Variants in SCP2 observed in about 807,000 individuals in gnomAD.
SCP2 encodes sterol carrier protein 2.
SCP2 carries 48 observed loss-of-function variants against 71.4 expected under a neutral mutation model. The ratio of observed to expected loss-of-function variants is 0.67; its 90% CI spans 0.53 to 0.86. SCP2 has a LOEUF of 0.86. Among genes scored for constraint, SCP2 ranks in the 40% least tolerant of loss-of-function variants. The pLI is 0.00. For missense variants in SCP2, 560 were observed against 655.6 expected (o/e 0.85, Z 1.59); for synonymous variants, 220 against 218.1 (o/e 1.01, Z -0.08).
intron 12 of SCP2, among the ~76,000 whole-genome samples, chr1:53,025,033 G>A (rs72903118): frequency 0.14 from 20,820 of 151,800 alleles, 2,038 homozygotes; most frequent in East Asian, 0.33. Context: ...AAAGAGCCAC[G>A]CTGTGTCTAT....
intron 13 of SCP2, among the ~76,000 whole-genome samples, chr1:53,031,712 C>G (rs757022121): frequency 1.3e-5 from 2 of 152,210 alleles, no homozygotes; most frequent in Non-Finnish European, 2.9e-5. Context: ...TCCTTACCCT[C>G]TCTCACTCCC....
intron 6 of SCP2, among the ~76,000 whole-genome samples, chr1:52,971,918 T>C (rs1234160160): frequency 6.6e-6 from 1 of 152,226 alleles, no homozygotes; most frequent in South Asian, 2.1e-4. Flanking sequence ...AAAGGAGTTC[T>C]GGTTTCTATG....
chr1:53,026,981 C>T (rs890731169), intron 12 of SCP2, among the ~76,000 whole-genome samples: 3 of 150,602 alleles, frequency 2.0e-5, no homozygotes, highest in African/African-American at 7.3e-5. Flanking sequence ...CTCTGTCACC[C>T]AGGATGGGGT....
intron 14 of SCP2, among the ~76,000 whole-genome samples, chr1:53,045,922 G>A (rs1663778688): frequency 1.3e-5 from 2 of 151,550 alleles, no homozygotes; most frequent in Admixed American, 6.6e-5. Context: ...CTTTCCTTAG[G>A]AAGTCATACA....
chr1:53,026,990 G>A (rs1662181415), intron 12 of SCP2, among the ~76,000 whole-genome samples: 1 of 151,278 alleles, frequency 6.6e-6, no homozygotes, highest in Non-Finnish European at 1.5e-5. Flanking sequence ...CCAGGATGGG[G>A]TGCAGTGGTG....
chr1:52,982,296 C>T (rs539360940), intron 10 of SCP2, among the ~76,000 whole-genome samples: 10 of 152,260 alleles, frequency 6.6e-5, no homozygotes, highest in East Asian at 1.9e-4. Flanking sequence ...GTTGGCAGGG[C>T]GCGGTGGCTC....
chr1:53,006,293 T>G (rs1414995667), intron 11 of SCP2, among the ~76,000 whole-genome samples: 3 of 151,898 alleles, frequency 2.0e-5, no homozygotes, highest in Non-Finnish European at 4.4e-5. Flanking sequence ...ACAAAGATAC[T>G]CCTCGAGAAG....
chr1:52,972,978 G>A (rs1657625398), intron 6 of SCP2, among the ~76,000 whole-genome samples: 1 of 152,168 alleles, frequency 6.6e-6, no homozygotes, highest in Non-Finnish European at 1.5e-5. Flanking sequence ...ATAGAACTGA[G>A]TGTTTAATTT....
At chr1:53,034,828 A>C (rs939878220) in intron 13 of SCP2, among the ~76,000 whole-genome samples, 6 of 152,166 alleles carry the variant, frequency 3.9e-5, no homozygotes, top group African/African-American at 1.4e-4. Flanking sequence ...TTATGAGGCC[A>C]GGCACGGTGG....
At chr1:52,976,602 A>T in intron 7 of SCP2, 81 bp from the exon 8 acceptor site, 1 of 789,922 alleles carries the variant, frequency 1.3e-6, no homozygotes, top group Non-Finnish European at 2.3e-6. Context: ...TAATATTTAC[A>T]TATTATTCTG....
chr1:52,993,574 T>A lies in SCP2; in HGVS notation c.1081+5438T>A, dbSNP rs1572156893. On this transcript the variant is annotated intron_variant, in intron 11 of 15. Transcript: ENST00000371514. ...CCTCGCCAGTCCTCATATACTGTTCTCTCATGGCTCCAAGCTCTTCTTGTC... is the reference window on the plus strand; with the variant it reads ...CCTCGCCAGTCCTCATATACTGTTCACTCATGGCTCCAAGCTCTTCTTGTC... The A allele has an allele frequency of 6.2e-6, 10 of 1,611,556 alleles. No homozygotes were observed. The East Asian group carries it at 2.2e-4, about 36-fold the overall frequency.
intron 10 of SCP2, among the ~76,000 whole-genome samples, chr1:52,983,969 A>G (rs957010946): frequency 6.6e-6 from 1 of 152,190 alleles, no homozygotes; most frequent in African/African-American, 2.4e-5. Context: ...TGTTCTGACA[A>G]TAAGTTCTGT....
intron 14 of SCP2, among the ~76,000 whole-genome samples, chr1:53,045,568 T>C (rs1051999370): frequency 3.9e-5 from 6 of 152,194 alleles, no homozygotes; most frequent in African/African-American, 7.2e-5. Flanking sequence ...CACCCAGGGC[T>C]AGGTGATAAA....
chr1:53,035,627 TG>T (rs560317661), intron 13 of SCP2, among the ~76,000 whole-genome samples: 171 of 152,214 alleles, frequency 1.1e-3, no homozygotes, highest in African/African-American at 4.0e-3. Flanking sequence ...CAAGAATATT[TG>T]GAAGAGAAGA....
chr1:52,961,367 A>G, intron 5 of SCP2, 136 bp from the exon 6 acceptor site: 5 of 871,782 alleles, frequency 5.7e-6, no homozygotes, highest in South Asian at 1.6e-5. Context: ...GCATGTCTTA[A>G]CTGATTTGAT....
In SCP2 at chr1:53,037,950, TACACACAC is replaced by T. The variant is rs67763248; in HGVS notation, c.1339-935_1339-928del. On this transcript the variant is annotated intron_variant, in intron 13 of 15. Coordinates refer to ENST00000371514, the MANE Select transcript of SCP2 (RefSeq NM_002979.5). The stretch of plus-strand genomic sequence containing the variant: ...CACACAGATCCAGATCCTGTCTCTA[TACACACAC>T]ACACACACACACACACACACACACA... 8.2e-3 allele frequency among the ~76,000 whole-genome samples: 986 copies of T among 120,392 alleles called. 6 individuals are homozygous for T. Among genetic ancestry groups the T allele is most frequent in the Middle Eastern group, 0.017 (4 of 240 alleles). 79.0% of individuals were successfully genotyped at this position (120,392 alleles called of 152,430 possible).
intron 1 of SCP2, 43 bp downstream of exon 1, chr1:52,927,508 G>A: frequency 6.8e-7 from 1 of 1,464,604 alleles, no homozygotes. Flanking sequence ...AGGCTCGGGG[G>A]CGGTCGGTGC....
Position 52,980,700 on chromosome 1 carries a change from T to C in SCP2, c.973+157T>C, listed in dbSNP as rs111415315. ...GTAAGCTGTTTTGGTAGTGGACGTT[T>C]TAGAACTTGTGGTATTAGGCAGTAC... is the stretch of plus-strand genomic sequence containing the variant. On this transcript the variant is annotated intron_variant, in intron 10 of 15. Transcript: ENST00000371514. Among the ~76,000 whole-genome samples the C allele has an allele frequency of 5.9e-5, 9 of 152,338 alleles. 1 individual carries two copies. Among genetic ancestry groups the C allele is most frequent in the African/African-American group, 2.2e-4 (9 of 41,574 alleles).
intron 6 of SCP2, among the ~76,000 whole-genome samples, chr1:52,967,047 AGGCAT>A (rs1160359769): frequency 6.7e-6 from 1 of 149,792 alleles, no homozygotes; most frequent in Non-Finnish European, 1.5e-5. Flanking sequence ...AAAATTAGTC[AGGCAT>A]GGTGGCAGGC....
Sources: allele counts gnomAD v4.1 joint callset (sites outside exome capture counted in the v4.1 genomes callset), GRCh38; gene constraint gnomAD v4.1.1; transcripts MANE v1.5; gene names NCBI Gene and HGNC (gene_info 2026-07-23, HGNC 2026-07-21).